The following SPMAP2L variants were observed in gnomAD, a reference collection of about 807,000 sequenced individuals.
The protein encoded by SPMAP2L is sperm microtubule associated protein 2-like.
chr4:56,566,058 T>C, the SPMAP2L span, among the ~76,000 whole-genome samples: 1 of 152,340 alleles, frequency 6.6e-6, no homozygotes, highest in African/African-American at 2.4e-5. Flanking sequence ...TGTTTTTAAA[T>C]TGAGATACTT....
chr4:56,541,886 A>G, the SPMAP2L span, among the ~76,000 whole-genome samples: 5 of 152,058 alleles, frequency 3.3e-5, no homozygotes, highest in African/African-American at 1.2e-4. Context: ...CTGATCTCAA[A>G]CGATCCTCCC....
At chr4:56,618,205 G>A in the SPMAP2L span, among the ~76,000 whole-genome samples, 1 of 152,098 alleles carries the variant, frequency 6.6e-6, no homozygotes, top group African/African-American at 2.4e-5. Flanking sequence ...TCATTTAAAG[G>A]GACCACTCTC....
the SPMAP2L span, among the ~76,000 whole-genome samples, chr4:56,550,370 A>G: frequency 0.021 from 3,146 of 152,224 alleles, 111 homozygotes; most frequent in African/African-American, 0.066. Context: ...AATGGTTTTC[A>G]GTTAAAAAAA....
the SPMAP2L span, among the ~76,000 whole-genome samples, chr4:56,586,131 G>T: frequency 6.8e-3 from 1,041 of 152,276 alleles, 13 homozygotes; most frequent in African/African-American, 0.024. Context: ...CTGAAATGGT[G>T]GGGGGCTGGA....
chr4:56,578,941 G>A, the SPMAP2L span, among the ~76,000 whole-genome samples: 1,038 of 151,800 alleles, frequency 6.8e-3, 13 homozygotes, highest in African/African-American at 0.024. Context: ...AGAAAGAAAG[G>A]AAAGATAACA....
the SPMAP2L span, among the ~76,000 whole-genome samples, chr4:56,598,754 G>A: frequency 1.1e-3 from 162 of 152,128 alleles, 5 homozygotes; most frequent in Admixed American, 0.011. Flanking sequence ...GGGCCTTGTA[G>A]GCCACAGAAG....
the SPMAP2L span, among the ~76,000 whole-genome samples, chr4:56,544,974 G>C: frequency 6.6e-6 from 1 of 152,230 alleles, no homozygotes; most frequent in Non-Finnish European, 1.5e-5. Context: ...CATCGAGCCT[G>C]TCCTATACCA....
the SPMAP2L span, among the ~76,000 whole-genome samples, chr4:56,577,753 TAAAG>T: frequency 1.3e-5 from 2 of 152,062 alleles, no homozygotes; most frequent in East Asian, 1.9e-4. Context: ...CGAGAAATAA[TAAAG>T]AAAGTATTTC....
chr4:56,597,477 A>G, the SPMAP2L span, among the ~76,000 whole-genome samples: 5,142 of 152,244 alleles, frequency 0.034, 247 homozygotes, highest in African/African-American at 0.11. Context: ...ATGTTGCCAA[A>G]AGAGGTGGGG....
At chr4:56,567,442 G>GTTTTT in the SPMAP2L span, among the ~76,000 whole-genome samples, 3 of 65,578 alleles carry the variant, frequency 4.6e-5, no homozygotes, top group African/African-American at 6.1e-5. Context: ...AATTTTGGTG[G>GTTTTT]TTTTTTTTTT....
the SPMAP2L span, among the ~76,000 whole-genome samples, chr4:56,563,508 G>A: frequency 6.6e-6 from 1 of 152,034 alleles, no homozygotes; most frequent in Admixed American, 6.6e-5. Context: ...AGACTGTTGG[G>A]GGAGGGGAAG....
the SPMAP2L span, among the ~76,000 whole-genome samples, chr4:56,560,788 C>T: frequency 6.6e-6 from 1 of 152,140 alleles, no homozygotes; most frequent in African/African-American, 2.4e-5. Context: ...CTCTGTTACT[C>T]AGGCTGGAGT....
the SPMAP2L span, among the ~76,000 whole-genome samples, chr4:56,622,165 A>T: frequency 1.3e-5 from 2 of 152,264 alleles, no homozygotes; most frequent in African/African-American, 4.8e-5. Context: ...AAAGAAAAGA[A>T]AGCCTATTAA....
chr4:56,541,265 C>T, the SPMAP2L span, among the ~76,000 whole-genome samples: 1 of 151,212 alleles, frequency 6.6e-6, no homozygotes, highest in Non-Finnish European at 1.5e-5. Context: ...AAAAATAGAG[C>T]TAAAATAGAC....
At chr4:56,563,147 C>A in the SPMAP2L span, among the ~76,000 whole-genome samples, 4 of 121,684 alleles carry the variant, frequency 3.3e-5, no homozygotes, top group Admixed American at 1.1e-4. Context: ...GGCTGGAGTG[C>A]GGTGGTGTGA....
the SPMAP2L span, among the ~76,000 whole-genome samples, chr4:56,535,193 T>C: frequency 1.3e-5 from 2 of 152,214 alleles, no homozygotes; most frequent in African/African-American, 4.8e-5. Context: ...TAAAATGTCA[T>C]CATCTTTGTA....
chr4:56,531,291 C>A, the SPMAP2L span: 2 of 1,316,442 alleles, frequency 1.5e-6, no homozygotes, highest in Non-Finnish European at 2.0e-6. Context: ...CATGCAAGAG[C>A]TTGCCATATT....
At chr4:56,618,159 C>T in the SPMAP2L span, among the ~76,000 whole-genome samples, 4 of 152,198 alleles carry the variant, frequency 2.6e-5, no homozygotes, top group Admixed American at 6.5e-5. Context: ...TGATCACACC[C>T]TCCTCTACCC....
At chr4:56,584,470 A>G in the SPMAP2L span, 5 of 1,424,300 alleles carry the variant, frequency 3.5e-6, no homozygotes, top group East Asian at 2.5e-5. Flanking sequence ...AACAGTTATA[A>G]TATTTCATGT....
Sources: gnomAD v4.1 joint callset for allele counts (sites outside exome capture counted in the v4.1 genomes callset) on GRCh38, gnomAD v4.1.1 for gene constraint, MANE v1.5 for transcripts, NCBI Gene and HGNC (gene_info 2026-07-23, HGNC 2026-07-21) for gene names.